Variants in SDCCAG8 observed in about 807,000 individuals in gnomAD.
SDCCAG8 encodes the protein serologically defined colon cancer antigen 8.
In SDCCAG8, 74 loss-of-function variants were observed where a neutral mutation model predicts 101.8. That is an observed-to-expected ratio of 0.73 (90% CI 0.60 to 0.88). The LOEUF is 0.88. Among genes scored for constraint, SDCCAG8 ranks in the 40% least tolerant of loss-of-function variants. The pLI is 0.00. For synonymous variants in SDCCAG8, 281 were observed against 292.9 expected (o/e 0.96, Z 0.41); for missense variants, 787 against 822.6 (o/e 0.96, Z 0.53).
intron 9 of SDCCAG8, among the ~76,000 whole-genome samples, chr1:243,319,663 G>A (rs960531273): frequency 3.9e-5 from 6 of 152,054 alleles, no homozygotes; most frequent in Admixed American, 2.0e-4. Flanking sequence ...GTGAGCCACC[G>A]CGCCTGGCCC....
At chr1:243,299,022 ATAT>A (rs1432227891) in intron 6 of SDCCAG8, among the ~76,000 whole-genome samples, 1 of 152,210 alleles carries the variant, frequency 6.6e-6, no homozygotes, top group Non-Finnish European at 1.5e-5. Flanking sequence ...ACATTTTATG[ATAT>A]TATCTAATCC....
intron 6 of SDCCAG8, among the ~76,000 whole-genome samples, chr1:243,294,475 G>C (rs983102762): frequency 8.5e-6 from 1 of 117,244 alleles, no homozygotes; most frequent in Non-Finnish European, 1.9e-5. Context: ...CCAAAAGGTG[G>C]GGGGGGGGAG....
chr1:243,384,391 A>T (rs1015600530), intron 13 of SDCCAG8, among the ~76,000 whole-genome samples: 9 of 152,186 alleles, frequency 5.9e-5, no homozygotes, highest in African/African-American at 2.2e-4. Flanking sequence ...GATAAGGCTA[A>T]AATTTTTTAT....
chr1:243,325,057 G>A (rs980072523), intron 9 of SDCCAG8, among the ~76,000 whole-genome samples: 1 of 152,264 alleles, frequency 6.6e-6, no homozygotes, highest in African/African-American at 2.4e-5. Context: ...TCCTGTTGAT[G>A]TGGTGTATAA....
intron 8 of SDCCAG8, among the ~76,000 whole-genome samples, chr1:243,314,188 C>G (rs2073028534): frequency 2.6e-5 from 4 of 152,210 alleles, no homozygotes. Flanking sequence ...TCAAAGCTAC[C>G]TTGAAGCATG....
chr1:243,258,127 C>T (rs1165858866), intron 1 of SDCCAG8, among the ~76,000 whole-genome samples: 1 of 150,884 alleles, frequency 6.6e-6, no homozygotes, highest in African/African-American at 2.4e-5. Context: ...AGTGTGATAA[C>T]AATATAAGGT....
chr1:243,273,870 C>G (rs2068295903), intron 3 of SDCCAG8, among the ~76,000 whole-genome samples: 1 of 152,132 alleles, frequency 6.6e-6, no homozygotes, highest in Non-Finnish European at 1.5e-5. Flanking sequence ...TTTCCATTCA[C>G]TATATGTGCT....
At chr1:243,403,099 G>A (rs2079517471) in intron 13 of SDCCAG8, among the ~76,000 whole-genome samples, 1 of 152,208 alleles carries the variant, frequency 6.6e-6, no homozygotes, top group Non-Finnish European at 1.5e-5. Context: ...CCTTTCAAAT[G>A]GTGATCTGGG....
intron 16 of SDCCAG8, chr1:243,476,057 A>G: frequency 1.0e-6 from 1 of 985,438 alleles, no homozygotes; most frequent in Middle Eastern, 5.2e-4. Context: ...TTATGCCATC[A>G]TATTATCCCA....
At chr1:243,258,193 A>T (rs1304152312) in intron 1 of SDCCAG8, among the ~76,000 whole-genome samples, 1 of 75,874 alleles carries the variant, frequency 1.3e-5, no homozygotes, top group East Asian at 3.0e-4. Context: ...TAAACAACTT[A>T]AAAAAAAACG....
chr1:243,500,036 GC>G lies in SDCCAG8; in HGVS notation c.*252del. On this transcript the variant is annotated 3_prime_UTR_variant, in exon 18 of 18. Coordinates refer to ENST00000366541, the MANE Select transcript of SDCCAG8 (RefSeq NM_006642.5). The stretch of plus-strand genomic sequence containing the variant: ...GGCTTGAAGTTATGTGTTTAAATCT[GC>G]TCATTCGTATGCTAGGTTATACATA... 2 of 545,072 alleles carry G rather than the reference GC, an allele frequency of 3.7e-6. No individual in the cohort carries two copies. The highest frequency in any genetic ancestry group is 3.3e-6 in the Non-Finnish European group (1 of 306,806). 33.8% of individuals were successfully genotyped at this position (545,072 alleles called of 1,614,324 possible).
chr1:243,363,737 A>G (rs2076846398), intron 12 of SDCCAG8, among the ~76,000 whole-genome samples: 1 of 152,198 alleles, frequency 6.6e-6, no homozygotes. Flanking sequence ...TAGTTTTCTA[A>G]TTATCACAGC....
At chr1:243,287,477 G>A (rs2069744313) in intron 5 of SDCCAG8, among the ~76,000 whole-genome samples, 1 of 151,746 alleles carries the variant, frequency 6.6e-6, no homozygotes, top group African/African-American at 2.4e-5. Context: ...ATATGTTAGG[G>A]TTTGCTATTG....
intron 1 of SDCCAG8, among the ~76,000 whole-genome samples, chr1:243,266,704 C>G (rs943062754): frequency 2.0e-5 from 3 of 148,334 alleles, no homozygotes; most frequent in African/African-American, 7.4e-5. Flanking sequence ...GCCTGCAATC[C>G]CAGCACTTTG....
intron 16 of SDCCAG8, among the ~76,000 whole-genome samples, chr1:243,450,314 T>C (rs1027367931): frequency 2.6e-5 from 4 of 152,244 alleles, no homozygotes; most frequent in Admixed American, 2.6e-4. Context: ...GCTGATTCCA[T>C]ATGTGTCCTC....
chr1:243,309,867 T>A (rs1488589673), intron 8 of SDCCAG8, among the ~76,000 whole-genome samples: 1 of 139,506 alleles, frequency 7.2e-6, no homozygotes, highest in Non-Finnish European at 1.6e-5. Context: ...GTTTGTTTGT[T>A]TTGTTTTTGT....
At chr1:243,429,591 C>T (rs1393292832) in intron 16 of SDCCAG8, among the ~76,000 whole-genome samples, 1 of 151,926 alleles carries the variant, frequency 6.6e-6, no homozygotes, top group Non-Finnish European at 1.5e-5. Context: ...CTCACTCTGT[C>T]GCCCAGGCTG....
At chr1:243,413,302 T>C (rs2080314282) in intron 13 of SDCCAG8, among the ~76,000 whole-genome samples, 1 of 152,140 alleles carries the variant, frequency 6.6e-6, no homozygotes, top group Non-Finnish European at 1.5e-5. Context: ...ACCTCTCAGG[T>C]TGAAGTGATT....
chr1:243,440,293 A>T (rs979058199), intron 16 of SDCCAG8, among the ~76,000 whole-genome samples: 1 of 152,176 alleles, frequency 6.6e-6, no homozygotes, highest in African/African-American at 2.4e-5. Flanking sequence ...ATTCACACTT[A>T]ATAGTATATC....
Sources: allele counts gnomAD v4.1 joint callset (sites outside exome capture counted in the v4.1 genomes callset), GRCh38; gene constraint gnomAD v4.1.1; transcripts MANE v1.5; gene names NCBI Gene and HGNC (gene_info 2026-07-23, HGNC 2026-07-21).